ZNF704: variants seen among roughly 807,000 people sequenced by gnomAD.
ZNF704 encodes glucocorticoid induced gene 1.
A neutral mutation model predicts 44.7 loss-of-function variants in ZNF704; 10 were observed. That is an observed-to-expected ratio of 0.22 (90% CI 0.14 to 0.38). The LOEUF (loss-of-function observed/expected upper bound fraction) is 0.38, where lower values mean the gene tolerates loss of function less well. Among genes scored for constraint, ZNF704 ranks in the 10% least tolerant of loss-of-function variants. The probability of loss-of-function intolerance (pLI) is 1.00; values close to 1 mark genes in which losing one functional copy is unlikely to be tolerated. For missense variants in ZNF704, 390 were observed against 545.5 expected, an observed-to-expected ratio of 0.71 and a Z score of 2.84; for synonymous variants, 211 against 207.6, an observed-to-expected ratio of 1.02 and a Z score of -0.14.
At chr8:80,775,538 G>A (rs1042159102) in intron 2 of ZNF704, among the ~76,000 whole-genome samples, 1 of 152,142 alleles carries the variant, frequency 6.6e-6, no homozygotes, top group African/African-American at 2.4e-5. Context: ...TTGTAGACCT[G>A]TACTGACTAT....
At chr8:80,761,671 CT>C (rs1285699653) in intron 2 of ZNF704, among the ~76,000 whole-genome samples, 4 of 152,186 alleles carry the variant, frequency 2.6e-5, no homozygotes, top group African/African-American at 9.7e-5. Context: ...TTGTAGGCCA[CT>C]TTACACAATA....
intron 1 of ZNF704, among the ~76,000 whole-genome samples, chr8:80,823,986 A>G (rs1019248905): frequency 9.2e-5 from 14 of 152,216 alleles, no homozygotes; most frequent in African/African-American, 3.4e-4. Flanking sequence ...CAGAGCAGAA[A>G]AGCTGAAAAT....
chr8:80,846,911 G>A (rs1050774923), intron 1 of ZNF704, among the ~76,000 whole-genome samples: 1 of 152,162 alleles, frequency 6.6e-6, no homozygotes, highest in Non-Finnish European at 1.5e-5. Flanking sequence ...AGTGGCTCAC[G>A]CCTGTAATCT....
chr8:80,840,229 T>C (rs546945604), intron 1 of ZNF704, among the ~76,000 whole-genome samples: 1 of 152,370 alleles, frequency 6.6e-6, no homozygotes, highest in African/African-American at 2.4e-5. Context: ...ACCCATGGCC[T>C]GCGGGCCGCA....
intron 2 of ZNF704, among the ~76,000 whole-genome samples, chr8:80,796,908 G>A (rs1807812184): frequency 9.3e-6 from 1 of 107,814 alleles, no homozygotes; most frequent in Admixed American, 9.3e-5. Flanking sequence ...AAGAGAAAGG[G>A]AAAGGGAAAG....
chr8:80,821,615 C>T lies in ZNF704; in HGVS notation c.-21G>A. 1 of 1,608,876 alleles carries T rather than the reference C, an allele frequency of 6.2e-7. No homozygotes were observed. The highest frequency in any genetic ancestry group is 1.1e-5 in the South Asian group (1 of 90,394). ...GTCATTTCCCGCTTAATGCTCCCCA[C>T]CTGTGAAATGAAACACAGAAATTCT... On this transcript the variant is annotated splice_region_variant and 5_prime_UTR_variant, in exon 2 of 9. The change creates a new upstream start codon in the 5' untranslated region. Coordinates refer to ENST00000327835, the MANE Select transcript of ZNF704 (RefSeq NM_001033723.3).
At chr8:80,733,755 C>T (rs1211461813) in intron 2 of ZNF704, among the ~76,000 whole-genome samples, 1 of 152,212 alleles carries the variant, frequency 6.6e-6, no homozygotes, top group African/African-American at 2.4e-5. Context: ...ATGGCAGATT[C>T]ACCTCTCTAT....
At chr8:80,738,199 G>A (rs943131666) in intron 2 of ZNF704, among the ~76,000 whole-genome samples, 3 of 151,978 alleles carry the variant, frequency 2.0e-5, no homozygotes, top group African/African-American at 7.3e-5. Context: ...TTGATCATTT[G>A]GTCAAAGAGT....
chr8:80,824,048 G>C (rs1808326134), intron 1 of ZNF704, among the ~76,000 whole-genome samples: 1 of 152,190 alleles, frequency 6.6e-6, no homozygotes, highest in Non-Finnish European at 1.5e-5. Flanking sequence ...CTCCTCGCCA[G>C]CAACAGAACA....
chr8:80,641,109 ACTTTT>A lies in ZNF704; in HGVS notation c.*252_*256del, dbSNP rs1183278592. 3.6e-6 allele frequency: 1 copy of A among 278,112 alleles called. No homozygotes were observed. The highest frequency in any genetic ancestry group is 6.7e-6 in the Non-Finnish European group (1 of 149,916). The allele number at this position is 278,112 out of a possible 1,614,324, so 17.2% of individuals were successfully genotyped here. The stretch of plus-strand genomic sequence containing the variant: ...TCTAGACATACAGCAAAAAAAGTTG[ACTTTT>A]CTTTTGAAGGAAAAAAAACTAGTTA... On this transcript the variant is annotated 3_prime_UTR_variant, in exon 9 of 9. Coordinates refer to ENST00000327835, the MANE Select transcript of ZNF704 (RefSeq NM_001033723.3).
At chr8:80,859,670 G>A (rs116760679) in intron 1 of ZNF704, among the ~76,000 whole-genome samples, 545 of 152,108 alleles carry the variant, frequency 3.6e-3, no homozygotes, top group African/African-American at 0.012. Flanking sequence ...TTTTTACACC[G>A]TGTTCTCAAG....
chr8:80,792,577 A>C (rs1807728852), intron 2 of ZNF704, among the ~76,000 whole-genome samples: 1 of 152,202 alleles, frequency 6.6e-6, no homozygotes, highest in South Asian at 2.1e-4. Context: ...GGCTACAAAA[A>C]AGACTGTGAC....
At chr8:80,775,605 T>C (rs1322813351) in intron 2 of ZNF704, among the ~76,000 whole-genome samples, 1 of 152,242 alleles carries the variant, frequency 6.6e-6, no homozygotes, top group African/African-American at 2.4e-5. Context: ...GTAATCATCA[T>C]TTAAGTTGAA....
intron 2 of ZNF704, among the ~76,000 whole-genome samples, chr8:80,799,459 G>T (rs1402051964): frequency 6.6e-6 from 1 of 152,130 alleles, no homozygotes; most frequent in Non-Finnish European, 1.5e-5. Context: ...TTAAGAGTTT[G>T]ACTGATACAA....
chr8:80,745,250 G>C (rs1806825339), intron 2 of ZNF704, among the ~76,000 whole-genome samples: 2 of 152,104 alleles, frequency 1.3e-5, no homozygotes, highest in African/African-American at 4.8e-5. Context: ...GGCTCCTATG[G>C]AATTTTAAAG....
At chr8:80,755,032 T>C (rs768943384) in intron 2 of ZNF704, among the ~76,000 whole-genome samples, 2 of 152,204 alleles carry the variant, frequency 1.3e-5, no homozygotes, top group Non-Finnish European at 2.9e-5. Context: ...AAGTTCATCA[T>C]AGGTCTAGTA....
intron 4 of ZNF704, among the ~76,000 whole-genome samples, chr8:80,675,631 G>A (rs374318929): frequency 1.1e-4 from 16 of 152,114 alleles, no homozygotes; most frequent in African/African-American, 3.9e-4. Flanking sequence ...GACATAGTTT[G>A]GAGGCAGATC....
rs1180855937 is a variant in ZNF704 at position 80,640,901 on chromosome 8, T to C, written c.*465A>G. On this transcript the variant is annotated 3_prime_UTR_variant, in exon 9 of 9. Coordinates refer to ENST00000327835, the MANE Select transcript of ZNF704 (RefSeq NM_001033723.3). ...GTCAAATGGAAGATACGGAAAAGAT[T>C]ATTCACAACAAAAGTAAGTATTGAT... The C allele has an allele frequency of 6.5e-6, 1 of 153,772 alleles. No homozygotes were observed. Among genetic ancestry groups the C allele is most frequent in the Non-Finnish European group, 1.5e-5 (1 of 68,784 alleles). 9.5% of individuals were successfully genotyped at this position (153,772 alleles called of 1,614,324 possible).
intron 2 of ZNF704, among the ~76,000 whole-genome samples, chr8:80,762,003 A>T (rs573629943): frequency 2.0e-5 from 3 of 152,258 alleles, no homozygotes; most frequent in African/African-American, 7.2e-5. Context: ...GCAGGTGTAC[A>T]AAAGGACATC....
Sources: allele counts gnomAD v4.1 joint callset (sites outside exome capture counted in the v4.1 genomes callset), GRCh38; gene constraint gnomAD v4.1.1; transcripts MANE v1.5; gene names NCBI Gene and HGNC (gene_info 2026-07-23, HGNC 2026-07-21).